The following UBE2E1 variants were observed in gnomAD, a reference collection of about 807,000 sequenced individuals.
The protein encoded by UBE2E1 is ubiquitin conjugating enzyme E2 E1.
Under a neutral mutation model 21.4 loss-of-function variants are expected in UBE2E1, and 6 were observed. That is an observed-to-expected ratio of 0.28 (90% CI 0.15 to 0.55). The LOEUF is 0.55. UBE2E1 is among the 20% of genes least tolerant of loss of function. The pLI is 0.93. For missense variants in UBE2E1, 142 were observed against 236.5 expected (o/e 0.60, Z 2.62); for synonymous variants, 87 against 82.7 (o/e 1.05, Z -0.28).
intron 3 of UBE2E1, among the ~76,000 whole-genome samples, chr3:23,849,637 A>T (rs1471500592): frequency 1.3e-5 from 2 of 152,146 alleles, no homozygotes; most frequent in African/African-American, 4.8e-5. Context: ...GTTAATTTGC[A>T]GAGGATGATG....
At chr3:23,879,182 C>T (rs1700981921) in intron 3 of UBE2E1, 2 of 820,150 alleles carry the variant, frequency 2.4e-6, no homozygotes, top group Admixed American at 1.9e-5. Flanking sequence ...TTTCTTCCAT[C>T]CTTCCACATC....
intron 3 of UBE2E1, among the ~76,000 whole-genome samples, chr3:23,880,538 T>C (rs1228249730): frequency 2.0e-5 from 3 of 152,216 alleles, no homozygotes; most frequent in African/African-American, 7.2e-5. Flanking sequence ...TGCTCCAGCC[T>C]GGGTGACACA....
chr3:23,886,685 T>C (rs1035392493), intron 3 of UBE2E1, among the ~76,000 whole-genome samples: 1 of 152,230 alleles, frequency 6.6e-6, no homozygotes, highest in Non-Finnish European at 1.5e-5. Context: ...CATCAGACTT[T>C]GTAACCAGTT....
rs377458829 is a variant in UBE2E1 at position 23,845,589 on chromosome 3, C to CTGTGTGTGTGTGTGTGTG, written c.203+34089_203+34106dup. 2.1e-3 allele frequency among the ~76,000 whole-genome samples: 252 copies of CTGTGTGTGTGTGTGTGTG among 121,316 alleles called. 1 individual carries two copies. Among genetic ancestry groups the CTGTGTGTGTGTGTGTGTG allele is most frequent in the African/African-American group, 5.8e-3 (179 of 31,112 alleles). 79.6% of individuals were successfully genotyped at this position (121,316 alleles called of 152,430 possible). A position where few individuals can be genotyped will look rare whatever the true frequency, so the allele number is the denominator to read the frequency against. The stretch of plus-strand genomic sequence containing the variant: ...TCTCTCTCTCTCTCTCTCTCTCTCT[C>CTGTGTGTGTGTGTGTGTG]TGTGTGTGTGTGTGTGTGTGTGTGT... On this transcript the variant is annotated intron_variant, in intron 3 of 5. Coordinates refer to ENST00000306627, the MANE Select transcript of UBE2E1 (RefSeq NM_003341.5).
At chr3:23,817,308 G>T (rs537404553) in intron 3 of UBE2E1, among the ~76,000 whole-genome samples, 1 of 151,898 alleles carries the variant, frequency 6.6e-6, no homozygotes, top group East Asian at 1.9e-4. Flanking sequence ...CGTAATCCCA[G>T]CTACTTGGGA....
chr3:23,882,627 A>C (rs772098237), intron 3 of UBE2E1, among the ~76,000 whole-genome samples: 67 of 150,794 alleles, frequency 4.4e-4, no homozygotes, highest in Non-Finnish European at 7.9e-4. Flanking sequence ...AGCCCACTGC[A>C]GGGGTGGAGG....
At chr3:23,828,677 T>A (rs75733825) in intron 3 of UBE2E1, among the ~76,000 whole-genome samples, 67 of 152,348 alleles carry the variant, frequency 4.4e-4, no homozygotes, top group African/African-American at 1.6e-3. Context: ...CATCTGGAGA[T>A]ACAAAAGTGT....
chr3:23,838,935 AC>A (rs1700027109), intron 3 of UBE2E1, among the ~76,000 whole-genome samples: 1 of 149,884 alleles, frequency 6.7e-6, no homozygotes, highest in Non-Finnish European at 1.5e-5. Context: ...ACCAGCTATA[AC>A]TTTTTTTGTT....
intron 3 of UBE2E1, among the ~76,000 whole-genome samples, chr3:23,883,219 T>G (rs1281410977): frequency 7.2e-5 from 11 of 152,248 alleles, no homozygotes; most frequent in Non-Finnish European, 1.6e-4. Flanking sequence ...TATTTAAAAT[T>G]AAAGTTGTAT....
At position 23,842,198 on chromosome 3, in the gene UBE2E1, G is replaced by GGTGTGTGTGTGTGTGTGTGTGT. The variant is rs55941535; in HGVS notation, c.203+30718_203+30739dup. On this transcript the variant is annotated intron_variant, in intron 3 of 5. Transcript: ENST00000306627. This position sits in a 1 kb window ranked among gnomAD's most constrained non-coding sequence, Gnocchi z 4.6. ...TATGTCATGACCCAGTAAGTGAAGGGGTGTGTGTGTGTGTGTGTGTGTGTG... is the reference window on the plus strand; with the variant it reads ...TATGTCATGACCCAGTAAGTGAAGGGGTGTGTGTGTGTGTGTGTGTGTGTGTGTGTGTGTGTGTGTGTGTGTG... Among the ~76,000 whole-genome samples, 5 of 104,282 alleles carry GGTGTGTGTGTGTGTGTGTGTGT rather than the reference G, an allele frequency of 4.8e-5. No homozygotes were observed. The highest frequency in any genetic ancestry group is 1.4e-4 in the African/African-American group (4 of 27,628). The allele number at this position is 104,282 out of a possible 152,430, so 68.4% of individuals were successfully genotyped here.
In UBE2E1 at chr3:23,806,294, G is replaced by T. The variant is rs994061699; in HGVS notation, c.-34+206G>T. Among the ~76,000 whole-genome samples, 1 of 150,760 alleles carries T rather than the reference G, an allele frequency of 6.6e-6. No homozygotes were observed. The highest frequency in any genetic ancestry group is 2.4e-5 in the African/African-American group (1 of 41,218). On this transcript the variant is annotated intron_variant, in intron 1 of 5. Transcript: ENST00000306627. This position sits in a 1 kb window ranked among gnomAD's most constrained non-coding sequence, Gnocchi z 6.5. ...GGGATGGGCAGGGACCCCGGGCCGC[G>T]TGGGGTGCGGGGGCCGCCCGCATTG... is the stretch of plus-strand genomic sequence containing the variant.
intron 2 of UBE2E1, among the ~76,000 whole-genome samples, chr3:23,809,388 G>C (rs532167886): frequency 6.6e-6 from 1 of 152,110 alleles, no homozygotes; most frequent in Non-Finnish European, 1.5e-5. Flanking sequence ...AATTGGAAGG[G>C]GCACATTCAC....
intron 3 of UBE2E1, among the ~76,000 whole-genome samples, chr3:23,819,124 A>C (rs1699590950): frequency 6.6e-6 from 1 of 152,056 alleles, no homozygotes; most frequent in Non-Finnish European, 1.5e-5. Flanking sequence ...CTCTATTAAA[A>C]ATCCAAAAAA....
intron 3 of UBE2E1, among the ~76,000 whole-genome samples, chr3:23,830,592 G>C (rs540304150): frequency 5.2e-4 from 79 of 152,288 alleles, no homozygotes; most frequent in African/African-American, 1.9e-3. Flanking sequence ...CCTTATGAGA[G>C]AACAGTGTGA....
rs751230695 is a variant in UBE2E1 at position 23,889,275 on chromosome 3, C to T, written c.484+16C>T. The T allele has an allele frequency of 1.1e-5, 17 of 1,613,354 alleles. No homozygotes were observed. Among genetic ancestry groups the T allele is most frequent in the Non-Finnish European group, 1.4e-5 (17 of 1,179,926 alleles). ...TGTAATCCTGGTAAGGTTCATAATTCTTTACCTTGTTTTATTCTTCCTTAC... is the reference window on the plus strand; with the variant it reads ...TGTAATCCTGGTAAGGTTCATAATTTTTTACCTTGTTTTATTCTTCCTTAC... On this transcript the variant is annotated intron_variant, in intron 5 of 5. Transcript: ENST00000306627.
In UBE2E1 at chr3:23,888,136, CAGG is replaced by C. The variant is rs1377624531; in HGVS notation, c.336+438_336+440del. Reference sequence around the variant, plus strand: ...AGCAAGACCCCAAAAAAAGGCAGGGCAGGTCAGGGGGCCAAACAACTAGAGAAT... The same window carrying C: ...AGCAAGACCCCAAAAAAAGGCAGGGCTCAGGGGGCCAAACAACTAGAGAAT... On this transcript the variant is annotated intron_variant, in intron 4 of 5. Transcript: ENST00000306627. The C allele has an allele frequency of 6.1e-5, 27 of 440,412 alleles. No homozygotes were observed. In the East Asian group the frequency reaches 1.1e-3, roughly 17 times the overall value. The allele number at this position is 440,412 out of a possible 1,614,324, so 27.3% of individuals were successfully genotyped here.
At position 23,876,893 on chromosome 3, in the gene UBE2E1, A is replaced by G. The variant is rs1468265161; in HGVS notation, c.204-10674A>G. Among the ~76,000 whole-genome samples the G allele has an allele frequency of 3.9e-5, 6 of 152,180 alleles. No homozygotes were observed. The highest frequency in any genetic ancestry group is 8.8e-5 in the Non-Finnish European group (6 of 68,026). ...ACCCTGTCTCTAAAAAAAATTTAAA[A>G]ATTAGCCAGGTGTGGTGATGCACGC... On this transcript the variant is annotated intron_variant, in intron 3 of 5. Transcript: ENST00000306627. The surrounding 1 kb of genome is among the most constrained non-coding windows in gnomAD (Gnocchi z 4.3).
chr3:23,850,655 C>T (rs540113413), intron 3 of UBE2E1, among the ~76,000 whole-genome samples: 2 of 150,518 alleles, frequency 1.3e-5, no homozygotes, highest in African/African-American at 4.9e-5. Context: ...TACATGCATG[C>T]ACCACTGCAT....
At chr3:23,889,653 C>T in intron 5 of UBE2E1, 1 of 985,348 alleles carries the variant, frequency 1.0e-6, no homozygotes, top group Non-Finnish European at 1.2e-6. Context: ...GCATGTGTCC[C>T]ATAGCTGGTC....
Sources: gnomAD v4.1 joint callset for allele counts (sites outside exome capture counted in the v4.1 genomes callset) on GRCh38, gnomAD v4.1.1 for gene constraint, Gnocchi (gnomAD v3.1) non-coding constraint, MANE v1.5 for transcripts, NCBI Gene and HGNC (gene_info 2026-07-23, HGNC 2026-07-21) for gene names.